The following HRH1 variants were observed in gnomAD, a reference collection of about 807,000 sequenced individuals.
HRH1 encodes histamine H1 receptor.
In HRH1, 6 loss-of-function variants were observed where a neutral mutation model predicts 10.3. The ratio of observed to expected loss-of-function variants is 0.58; its 90% CI spans 0.32 to 1.15. The LOEUF (loss-of-function observed/expected upper bound fraction) is 1.15. Ranked by LOEUF, HRH1 falls within the 50% of genes most tolerant of loss-of-function variation. The probability of loss-of-function intolerance (pLI) is 0.05; values close to 1 mark genes in which losing one functional copy is unlikely to be tolerated. For synonymous variants in HRH1, 242 were observed against 236.7 expected (o/e 1.02, Z -0.21); for missense variants, 514 against 615.3 (o/e 0.84, Z 1.74).
chr3:11,164,947 T>TG (rs748220197), intron 1 of HRH1, among the ~76,000 whole-genome samples: 12 of 152,148 alleles, frequency 7.9e-5, no homozygotes, highest in Non-Finnish European at 1.5e-4. Flanking sequence ...AAACAGGAGT[T>TG]GGAGTCTGTT....
chr3:11,261,989 G>T lies in HRH1; in HGVS notation c.*1488G>T, dbSNP rs577490108. On this transcript the variant is annotated 3_prime_UTR_variant, in exon 2 of 2. Coordinates refer to ENST00000431010, the MANE Select transcript of HRH1 (RefSeq NM_001098212.2). ...TTCCCGTGCACCTACGGAAGGGGAC[G>T]CTTTGAAGGAACCAAGTGCATTTTT... 1.2e-5 allele frequency: 2 copies of T among 167,182 alleles called. No homozygotes were observed. Among genetic ancestry groups the T allele is most frequent in the South Asian group, 4.1e-4 (2 of 4,822 alleles). The allele number at this position is 167,182 out of a possible 1,614,324, so 10.4% of individuals were successfully genotyped here.
At chr3:11,236,275 A>C (rs182435998) in intron 1 of HRH1, among the ~76,000 whole-genome samples, 18 of 152,354 alleles carry the variant, frequency 1.2e-4, no homozygotes, top group Non-Finnish European at 1.8e-4. Flanking sequence ...CTAAATACGT[A>C]AAAATTAGCC....
At position 11,192,496 on chromosome 3, in the gene HRH1, C is replaced by G. The variant is rs141663900; in HGVS notation, c.-36+37942C>G. 2.6e-4 allele frequency among the ~76,000 whole-genome samples: 40 copies of G among 152,164 alleles called. 1 individual carries two copies. In the East Asian group the frequency reaches 5.0e-3, roughly 19 times the overall value. ...TACTGTTGAGGTAGGTGCAGGGTGC[C>G]CCATTTGGGGTGATGATAAATAGGG... On this transcript the variant is annotated intron_variant, in intron 1 of 1. Coordinates refer to ENST00000431010, the MANE Select transcript of HRH1 (RefSeq NM_001098212.2).
At chr3:11,145,796 A>T (rs1383262383) in intron 1 of HRH1, among the ~76,000 whole-genome samples, 1 of 152,132 alleles carries the variant, frequency 6.6e-6, no homozygotes, top group African/African-American at 2.4e-5. Context: ...CAATTTTACT[A>T]ATTATTTAGA....
chr3:11,137,438 G>C (rs1273955573), intron 1 of HRH1: 1 of 152,828 alleles, frequency 6.5e-6, no homozygotes, highest in Non-Finnish European at 1.5e-5. Context: ...CTGGGGCGTG[G>C]GGAAGAGAAT....
rs1939987520 is a variant in HRH1, at chr3:11,262,667, T to C, written c.*2166T>C. The C allele has an allele frequency of 1.2e-5, 2 of 167,034 alleles. No individual in the cohort carries two copies. The allele number at this position is 167,034 out of a possible 1,614,324, so 10.3% of individuals were successfully genotyped here. A position where few individuals can be genotyped will look rare whatever the true frequency, so the allele number is the denominator to read the frequency against. ...AGAGCACTTCACACAGACAAGTGGC[T>C]AAGTGTCCATTATTTACCTTGAACA... On this transcript the variant is annotated 3_prime_UTR_variant, in exon 2 of 2. Coordinates refer to ENST00000431010, the MANE Select transcript of HRH1 (RefSeq NM_001098212.2).
chr3:11,187,931 A>G (rs1473443096), intron 1 of HRH1, among the ~76,000 whole-genome samples: 4 of 152,210 alleles, frequency 2.6e-5, no homozygotes, highest in African/African-American at 9.7e-5. Flanking sequence ...ATTGCTAAAC[A>G]TTTCAATTTC....
intron 1 of HRH1, among the ~76,000 whole-genome samples, chr3:11,208,056 A>G (rs1938200754): frequency 6.6e-6 from 1 of 150,442 alleles, no homozygotes. Context: ...AAACTTTCAC[A>G]CTCCCCTTTG....
Position 11,207,001 on chromosome 3 carries a change from G to C in HRH1, c.-35-52002G>C, listed in dbSNP as rs528266432. On this transcript the variant is annotated intron_variant, in intron 1 of 1. Coordinates refer to ENST00000431010, the MANE Select transcript of HRH1 (RefSeq NM_001098212.2). ...CAAGGAAGGAGGGATTACAGAGAAG[G>C]GCACACTCGGTCTGAGAGTTGAAGG... Among the ~76,000 whole-genome samples the C allele has an allele frequency of 3.5e-4, 54 of 152,238 alleles. No individual in the cohort carries two copies. The South Asian group carries it at 0.011, about 31-fold the overall frequency.
chr3:11,245,473 A>G (rs1238285506), intron 1 of HRH1, among the ~76,000 whole-genome samples: 1 of 152,044 alleles, frequency 6.6e-6, no homozygotes, highest in African/African-American at 2.4e-5. Flanking sequence ...TGAGCTGACC[A>G]TTTCCTCCTC....
intron 1 of HRH1, among the ~76,000 whole-genome samples, chr3:11,165,856 G>T (rs1937020594): frequency 6.6e-6 from 1 of 152,232 alleles, no homozygotes; most frequent in Non-Finnish European, 1.5e-5. Context: ...TTATTAGTTT[G>T]TAATATTGCC....
At chr3:11,237,664 C>CTTTTTTTTTTTTT (rs376450222) in intron 1 of HRH1, among the ~76,000 whole-genome samples, 8 of 83,088 alleles carry the variant, frequency 9.6e-5, no homozygotes, top group South Asian at 4.7e-4. Flanking sequence ...TTTTCTTTTC[C>CTTTTTTTTTTTTT]TTTTTTTTTT....
chr3:11,243,595 C>G (rs1036597033), intron 1 of HRH1, among the ~76,000 whole-genome samples: 1 of 152,184 alleles, frequency 6.6e-6, no homozygotes, highest in African/African-American at 2.4e-5. Flanking sequence ...TTGGCCCCAG[C>G]GTGTGCTTCC....
intron 1 of HRH1, among the ~76,000 whole-genome samples, chr3:11,165,301 A>G (rs1318234995): frequency 1.1e-4 from 16 of 152,140 alleles, no homozygotes; most frequent in Non-Finnish European, 4.4e-5. Context: ...TCACATTGCA[A>G]TCATCCGTTA....
intron 1 of HRH1, among the ~76,000 whole-genome samples, chr3:11,194,334 G>C (rs776760873): frequency 2.0e-5 from 3 of 152,088 alleles, no homozygotes; most frequent in Non-Finnish European, 4.4e-5. Flanking sequence ...AGTGAAATAG[G>C]AATAACAATT....
intron 1 of HRH1, among the ~76,000 whole-genome samples, chr3:11,141,372 T>C (rs747939340): frequency 1.6e-4 from 25 of 152,220 alleles, no homozygotes; most frequent in Non-Finnish European, 3.4e-4. Context: ...CAACATGTAG[T>C]GGCTTAAAAC....
chr3:11,138,913 A>C (rs1424992142), intron 1 of HRH1, among the ~76,000 whole-genome samples: 1 of 151,570 alleles, frequency 6.6e-6, no homozygotes, highest in Non-Finnish European at 1.5e-5. Flanking sequence ...GGGCTCAAAC[A>C]ATCCTCCCAC....
intron 1 of HRH1, 42 bp from the exon 2 acceptor site, chr3:11,258,961 C>T (rs1046658724): frequency 6.9e-7 from 1 of 1,448,994 alleles, no homozygotes; most frequent in Non-Finnish European, 9.3e-7. Context: ...GGCCACTCAT[C>T]ACCCAAGTCT....
rs35809891 is a variant in HRH1 at position 11,242,480 on chromosome 3, CAAAAAAAAAAAAAAA to C, written c.-35-16508_-35-16494del. Among the ~76,000 whole-genome samples the C allele has an allele frequency of 2.7e-3, 135 of 50,386 alleles. 1 individual carries two copies. Among genetic ancestry groups the C allele is most frequent in the South Asian group, 4.7e-3 (3 of 636 alleles). 33.1% of individuals were successfully genotyped at this position (50,386 alleles called of 152,430 possible). ...TGGGCAACAGAGCCAGACTCCGTCT[CAAAAAAAAAAAAAAA>C]AAAAAAAAAAAAAAGCTGTAACACT... On this transcript the variant is annotated intron_variant, in intron 1 of 1. Coordinates refer to ENST00000431010, the MANE Select transcript of HRH1 (RefSeq NM_001098212.2).
Sources: allele counts gnomAD v4.1 joint callset (sites outside exome capture counted in the v4.1 genomes callset), GRCh38; gene constraint gnomAD v4.1.1; transcripts MANE v1.5; gene names NCBI Gene and HGNC (gene_info 2026-07-23, HGNC 2026-07-21).